Variants in MIS18A observed in about 807,000 individuals in gnomAD.
The protein encoded by MIS18A is MIS18 kinetochore protein A.
A neutral mutation model predicts 25.0 loss-of-function variants in MIS18A; 14 were observed. That is an observed-to-expected ratio of 0.56 (90% CI 0.37 to 0.88). The LOEUF is 0.88. Among genes scored for constraint, MIS18A ranks in the 40% least tolerant of loss-of-function variants. MIS18A has a pLI of 0.00. For missense variants in MIS18A, 292 were observed against 290.8 expected, an observed-to-expected ratio of 1.00 and a Z score of -0.03; for synonymous variants, 134 against 118.6, an observed-to-expected ratio of 1.13 and a Z score of -0.84.
At position 32,279,002 on chromosome 21, in the gene MIS18A, G is replaced by T; in HGVS notation, c.13C>A (p.Arg5=). The stretch of plus-strand genomic sequence containing the variant: ...CATCCTCTGCTACACCTCAGTGACC[G>T]AACGCCTGCCATTACCTACAAATCG... MAGV[R]SLRCSRGCAG... Residue 5 remains arginine, a synonymous_variant, in exon 1 of 5, where the codon CGG becomes AGG. Coordinates refer to ENST00000290130, the MANE Select transcript of MIS18A (RefSeq NM_018944.3). The T allele has an allele frequency of 6.3e-7, 1 of 1,597,320 alleles. No individual in the cohort carries two copies. Among genetic ancestry groups the T allele is most frequent in the Non-Finnish European group, 8.5e-7 (1 of 1,172,620 alleles).
At chr21:32,218,704 G>C in the MIS18A span, among the ~76,000 whole-genome samples, 2 of 152,088 alleles carry the variant, frequency 1.3e-5, no homozygotes, top group Non-Finnish European at 2.9e-5. Context: ...TGGTACACTA[G>C]AACATGGCTG....
chr21:32,254,523 C>G, the MIS18A span, among the ~76,000 whole-genome samples: 1 of 151,252 alleles, frequency 6.6e-6, no homozygotes, highest in Non-Finnish European at 1.5e-5. Flanking sequence ...AAGAGTGAAA[C>G]TCGGTCTCAA....
the MIS18A span, among the ~76,000 whole-genome samples, chr21:32,180,340 A>G: frequency 4.6e-5 from 7 of 152,266 alleles, no homozygotes; most frequent in Admixed American, 4.6e-4. Context: ...CCAGCTCCTA[A>G]GGTCTCTGCT....
At chr21:32,234,546 T>A in the MIS18A span, among the ~76,000 whole-genome samples, 1 of 152,278 alleles carries the variant, frequency 6.6e-6, no homozygotes, top group Non-Finnish European at 1.5e-5. Context: ...TGGATGTTTG[T>A]CCCCTCCAAA....
the MIS18A span, chr21:32,260,084 C>CTTTTTT: frequency 8.5e-6 from 1 of 116,980 alleles, no homozygotes; most frequent in African/African-American, 4.1e-5. Context: ...TTTTTCTCAG[C>CTTTTTT]TTTTTTTTTT....
chr21:32,159,509 T>C, the MIS18A span, among the ~76,000 whole-genome samples: 1 of 152,232 alleles, frequency 6.6e-6, no homozygotes, highest in Non-Finnish European at 1.5e-5. Context: ...ATAACCCTTA[T>C]GGCAAAAATT....
chr21:32,179,557 A>G, the MIS18A span, among the ~76,000 whole-genome samples: 1 of 152,278 alleles, frequency 6.6e-6, no homozygotes, highest in Non-Finnish European at 1.5e-5. Flanking sequence ...GCCCTTCTAG[A>G]TTCACACCTA....
At chr21:32,259,034 T>C in the MIS18A span, among the ~76,000 whole-genome samples, 3 of 151,900 alleles carry the variant, frequency 2.0e-5, no homozygotes, top group Non-Finnish European at 4.4e-5. Flanking sequence ...CTACCACTGC[T>C]AACTTTTTAA....
At chr21:32,170,026 T>C in the MIS18A span, among the ~76,000 whole-genome samples, 170 of 152,216 alleles carry the variant, frequency 1.1e-3, no homozygotes, top group African/African-American at 3.9e-3. Flanking sequence ...CAACAGAAAC[T>C]ATCCCTGAAT....
chr21:32,165,745 A>G, the MIS18A span, among the ~76,000 whole-genome samples: 1 of 152,204 alleles, frequency 6.6e-6, no homozygotes, highest in Non-Finnish European at 1.5e-5. Flanking sequence ...GACACGTTTG[A>G]ATGATGAGAG....
At chr21:32,186,724 G>A in the MIS18A span, among the ~76,000 whole-genome samples, 3 of 152,094 alleles carry the variant, frequency 2.0e-5, no homozygotes, top group African/African-American at 7.2e-5. Flanking sequence ...CCATTCACAC[G>A]AGCAAAATTG....
the MIS18A span, among the ~76,000 whole-genome samples, chr21:32,242,278 T>C: frequency 1.4e-4 from 22 of 152,380 alleles, no homozygotes; most frequent in African/African-American, 5.3e-4. Flanking sequence ...TAAGGCTCCA[T>C]GGCCTGTCAC....
chr21:32,216,779 G>T, the MIS18A span, among the ~76,000 whole-genome samples: 1 of 152,196 alleles, frequency 6.6e-6, no homozygotes, highest in East Asian at 1.9e-4. Flanking sequence ...AATGTTAAAG[G>T]TGGGCCCCCA....
the MIS18A span, among the ~76,000 whole-genome samples, chr21:32,241,903 G>T: frequency 0.011 from 1 of 94 alleles, no homozygotes; most frequent in South Asian, 0.5. Flanking sequence ...TTGTTGAGAC[G>T]GAGTTCGCTC....
chr21:32,166,088 G>C, the MIS18A span, among the ~76,000 whole-genome samples: 1 of 152,182 alleles, frequency 6.6e-6, no homozygotes, highest in African/African-American at 2.4e-5. Flanking sequence ...TTGCCAGGGG[G>C]TGAGGGGCAG....
the MIS18A span, among the ~76,000 whole-genome samples, chr21:32,164,959 T>C: frequency 6.6e-6 from 1 of 152,194 alleles, no homozygotes; most frequent in East Asian, 1.9e-4. Flanking sequence ...TACATATCAA[T>C]AAGCAGGTAC....
the MIS18A span, among the ~76,000 whole-genome samples, chr21:32,163,348 C>T: frequency 6.6e-6 from 1 of 152,188 alleles, no homozygotes; most frequent in Admixed American, 6.5e-5. Flanking sequence ...TCATGAATCT[C>T]ACATCTACCC....
At chr21:32,264,337 GA>G (rs1004115878), downstream of MIS18A, among the ~76,000 whole-genome samples, 2 of 151,578 alleles carry the variant, frequency 1.3e-5, no homozygotes, top group African/African-American at 2.4e-5. Flanking sequence ...TTACAACTGG[GA>G]AAAAAATAAA....
chr21:32,262,664 C>T, the MIS18A span, among the ~76,000 whole-genome samples: 1 of 152,178 alleles, frequency 6.6e-6, no homozygotes, highest in South Asian at 2.1e-4. Flanking sequence ...GAAGGGTCAC[C>T]TTGTCCATCT....
Sources: gnomAD v4.1 joint callset for allele counts (sites outside exome capture counted in the v4.1 genomes callset) on GRCh38, gnomAD v4.1.1 for gene constraint, MANE v1.5 for transcripts, NCBI Gene and HGNC (gene_info 2026-07-23, HGNC 2026-07-21) for gene names.